Variants in TTC28 observed in about 807,000 individuals in gnomAD.
The protein encoded by TTC28 is tetratricopeptide repeat domain 28.
A neutral mutation model predicts 198.0 loss-of-function variants in TTC28; 61 were observed. That is an observed-to-expected ratio of 0.31 (90% confidence interval 0.25 to 0.38). The LOEUF is 0.38. TTC28 is among the 10% of genes least tolerant of loss of function. The probability of loss-of-function intolerance (pLI) is 1.00; values close to 1 mark genes in which losing one functional copy is unlikely to be tolerated. For missense variants in TTC28, 2,678 were observed against 3,164.0 expected (o/e 0.85, Z 3.69); for synonymous variants, 1,171 against 1,297.8 (o/e 0.90, Z 2.10).
chr22:28,551,282 C>G (rs940602048), intron 2 of TTC28, among the ~76,000 whole-genome samples: 1 of 152,034 alleles, frequency 6.6e-6, no homozygotes, highest in Admixed American at 6.6e-5. Flanking sequence ...AGATTCACAG[C>G]TAAATTCTAT....
intron 2 of TTC28, among the ~76,000 whole-genome samples, chr22:28,372,383 A>G (rs2046351206): frequency 6.6e-6 from 1 of 152,214 alleles, no homozygotes; most frequent in Admixed American, 6.5e-5. Context: ...CAGAACTTTC[A>G]GTGTAAAATT....
intron 2 of TTC28, among the ~76,000 whole-genome samples, chr22:28,541,287 C>T (rs1711863487): frequency 6.6e-6 from 1 of 152,194 alleles, no homozygotes; most frequent in African/African-American, 2.4e-5. Context: ...ATTGCCCTGG[C>T]TTCTGCCTTT....
intron 2 of TTC28, among the ~76,000 whole-genome samples, chr22:28,628,295 T>C (rs998205716): frequency 6.6e-6 from 1 of 152,228 alleles, no homozygotes; most frequent in Non-Finnish European, 1.5e-5. Flanking sequence ...TGTGGTTCTA[T>C]AGAAAATATC....
At chr22:28,392,315 C>A (rs972766762) in intron 2 of TTC28, among the ~76,000 whole-genome samples, 24 of 152,354 alleles carry the variant, frequency 1.6e-4, no homozygotes, top group African/African-American at 5.3e-4. Flanking sequence ...GCCCTGCCCC[C>A]AGAGGTGGAG....
intron 2 of TTC28, among the ~76,000 whole-genome samples, chr22:28,384,049 C>T (rs2046535840): frequency 6.6e-6 from 1 of 152,158 alleles, no homozygotes; most frequent in Admixed American, 6.5e-5. Flanking sequence ...AAGCACATCC[C>T]CTCCTGTGGG....
intron 2 of TTC28, among the ~76,000 whole-genome samples, chr22:28,446,448 G>A (rs951517912): frequency 6.6e-6 from 1 of 152,122 alleles, no homozygotes; most frequent in Non-Finnish European, 1.5e-5. Flanking sequence ...AATGTCAGAG[G>A]TGGGGCCTGG....
chr22:28,128,331 A>C, intron 6 of TTC28, among the ~76,000 whole-genome samples: 1 of 152,154 alleles, frequency 6.6e-6, no homozygotes, highest in East Asian at 1.9e-4. Context: ...AAAACAAAAA[A>C]AAAAGTACAG....
At chr22:28,084,377 C>T (rs754997049) in intron 12 of TTC28, among the ~76,000 whole-genome samples, 9 of 152,314 alleles carry the variant, frequency 5.9e-5, no homozygotes, top group Middle Eastern at 3.4e-3. Flanking sequence ...CTGCAGCCAC[C>T]GCTGCTGATA....
intron 5 of TTC28, among the ~76,000 whole-genome samples, chr22:28,257,739 C>CATATATATATATATATATAT (rs66590909): frequency 2.9e-4 from 28 of 96,558 alleles, no homozygotes; most frequent in East Asian, 1.1e-3. Flanking sequence ...GGTAATAGAA[C>CATATATATATATATATATAT]ATATATATAT....
At chr22:28,395,169 T>C (rs1046593555) in intron 2 of TTC28, among the ~76,000 whole-genome samples, 3 of 152,186 alleles carry the variant, frequency 2.0e-5, no homozygotes, top group Non-Finnish European at 4.4e-5. Flanking sequence ...GAGATATGCA[T>C]GCATATGTAT....
chr22:28,519,110 G>C (rs143311261), intron 2 of TTC28, among the ~76,000 whole-genome samples: 7 of 152,162 alleles, frequency 4.6e-5, no homozygotes, highest in Non-Finnish European at 8.8e-5. Context: ...AGAGAGCAGG[G>C]AGAAGTGTAG....
intron 5 of TTC28, among the ~76,000 whole-genome samples, chr22:28,185,841 C>T (rs1345762762): frequency 6.6e-6 from 1 of 152,078 alleles, no homozygotes; most frequent in Non-Finnish European, 1.5e-5. Context: ...TATTAAATGA[C>T]TGGTCCAAAG....
chr22:28,228,338 T>C (rs1231376252), intron 5 of TTC28, among the ~76,000 whole-genome samples: 1 of 152,188 alleles, frequency 6.6e-6, no homozygotes, highest in Non-Finnish European at 1.5e-5. Context: ...CACTGAACTG[T>C]GTAGCTAAAA....
intron 2 of TTC28, among the ~76,000 whole-genome samples, chr22:28,519,493 A>G (rs749452524): frequency 3.9e-5 from 6 of 152,218 alleles, no homozygotes; most frequent in African/African-American, 1.4e-4. Flanking sequence ...GTTGAAACCA[A>G]TATGGCCAAC....
intron 12 of TTC28, among the ~76,000 whole-genome samples, chr22:28,065,439 A>G (rs747699536): frequency 6.6e-6 from 1 of 152,214 alleles, no homozygotes; most frequent in Non-Finnish European, 1.5e-5. Context: ...CTGCTGTGCC[A>G]TAACATTCTT....
At chr22:28,574,538 C>G (rs938780078) in intron 2 of TTC28, among the ~76,000 whole-genome samples, 1 of 152,146 alleles carries the variant, frequency 6.6e-6, no homozygotes, top group Non-Finnish European at 1.5e-5. Context: ...TGGGTGTATA[C>G]CTAGCAATGG....
intron 2 of TTC28, among the ~76,000 whole-genome samples, chr22:28,489,094 G>T (rs1265362586): frequency 6.6e-6 from 1 of 152,014 alleles, no homozygotes; most frequent in African/African-American, 2.4e-5. Context: ...GACCAGCCTG[G>T]GCAATAAAGC....
chr22:28,273,213 T>C (rs907357165), intron 5 of TTC28, among the ~76,000 whole-genome samples: 2 of 152,124 alleles, frequency 1.3e-5, no homozygotes, highest in African/African-American at 2.4e-5. Flanking sequence ...GATAATACCA[T>C]TGAGATTCTC....
At chr22:28,157,734 C>CA (rs1461927907) in intron 6 of TTC28, among the ~76,000 whole-genome samples, 6 of 151,930 alleles carry the variant, frequency 3.9e-5, no homozygotes, top group East Asian at 1.9e-4. Flanking sequence ...TAAAAACGCT[C>CA]AAAAAAACGG....
Sources: allele counts gnomAD v4.1 joint callset (sites outside exome capture counted in the v4.1 genomes callset), GRCh38; gene constraint gnomAD v4.1.1; transcripts MANE v1.5; gene names NCBI Gene and HGNC (gene_info 2026-07-23, HGNC 2026-07-21).